GVQW3: variants seen among roughly 807,000 people sequenced by gnomAD.
GVQW3 encodes the protein protein GVQW3.
A neutral mutation model predicts 12.5 loss-of-function variants in GVQW3; 7 were observed. The ratio of observed to expected loss-of-function variants is 0.56; its 90% confidence interval spans 0.32 to 1.05. The LOEUF is 1.05. Ranked by LOEUF, GVQW3 falls within the 50% of genes least tolerant of loss-of-function variation. The pLI, the probability that GVQW3 is intolerant of heterozygous loss-of-function variation, is 0.04. For synonymous variants in GVQW3, 71 were observed against 67.2 expected, an observed-to-expected ratio of 1.06 and a Z score of -0.28; for missense variants, 188 against 190.8, an observed-to-expected ratio of 0.99 and a Z score of 0.09.
chr11:76,392,824 G>A (rs1165680779), intron 1 of GVQW3: 1 of 152,126 alleles, frequency 6.6e-6, no homozygotes, highest in Non-Finnish European at 1.5e-5. Flanking sequence ...CAAGTAGTGT[G>A]TTATGTTTTG....
rs980898545 is a variant in GVQW3, at chr11:76,381,635, A to T, written c.-194A>T. On this transcript the variant is annotated 5_prime_UTR_variant, in exon 1 of 2. Transcript: ENST00000529331. Reference sequence around the variant, plus strand: ...GCTTTGCAGCGACTGTTGGCTTCCCAGAACGGATCTCCCCAGCCTCGACTG... The same window carrying T: ...GCTTTGCAGCGACTGTTGGCTTCCCTGAACGGATCTCCCCAGCCTCGACTG... 9.2e-6 allele frequency: 5 copies of T among 546,004 alleles called. No homozygotes were observed. The African/African-American group carries it at 9.5e-5, about 10-fold the overall frequency. 33.8% of individuals were successfully genotyped at this position (546,004 alleles called of 1,614,324 possible).
exon 2 of GVQW3, chr11:76,414,373 T>C (rs2134575752): frequency 6.6e-6 from 1 of 152,170 alleles, no homozygotes; most frequent in East Asian, 1.9e-4. Context: ...GTCACTTTTG[T>C]TATAAGTGGT....
At chr11:76,397,499 A>C (rs1461471007) in intron 1 of GVQW3, among the ~76,000 whole-genome samples, 1 of 152,230 alleles carries the variant, frequency 6.6e-6, no homozygotes, top group African/African-American at 2.4e-5. Context: ...AGCGGTATTC[A>C]TAAGTAATTC....
chr11:76,409,434 G>C (rs1219307180), downstream of GVQW3, among the ~76,000 whole-genome samples: 1 of 152,206 alleles, frequency 6.6e-6, no homozygotes, highest in Non-Finnish European at 1.5e-5. Context: ...ACTCCTGTTT[G>C]CTCTAGGAAC....
intron 1 of GVQW3, among the ~76,000 whole-genome samples, chr11:76,396,311 T>A (rs1245206892): frequency 2.0e-5 from 3 of 150,664 alleles, no homozygotes; most frequent in Admixed American, 6.6e-5. Flanking sequence ...TATTATTATT[T>A]TATTATTATT....
In GVQW3 at chr11:76,393,893, T is replaced by TATC. The variant is rs1946916628; in HGVS notation, c.466-9765_466-9764insCAT. 3.3e-5 allele frequency among the ~76,000 whole-genome samples: 5 copies of TATC among 151,686 alleles called. No individual in the cohort carries two copies. The South Asian group carries it at 1.0e-3, about 32-fold the overall frequency. ...ACAATCCAGTTATACTCTTAGTTAT[T>TATC]ATTATTATTATTATTATTATTTTTG... is the stretch of plus-strand genomic sequence containing the variant. On this transcript the variant is annotated intron_variant, in intron 1 of 1. Coordinates refer to ENST00000529331, the MANE Select transcript of GVQW3 (RefSeq NM_001347885.2).
intron 1 of GVQW3, among the ~76,000 whole-genome samples, chr11:76,393,595 C>T (rs189955156): frequency 5.9e-5 from 9 of 152,264 alleles, no homozygotes; most frequent in African/African-American, 2.2e-4. Context: ...ACCTGGGAAA[C>T]TCCCCTTTTG....
At chr11:76,399,851 T>G (rs1946971682) in intron 1 of GVQW3, among the ~76,000 whole-genome samples, 1 of 152,072 alleles carries the variant, frequency 6.6e-6, no homozygotes. Flanking sequence ...CTGGCTCTCC[T>G]TTTCCTCAGG....
intron 1 of GVQW3, among the ~76,000 whole-genome samples, chr11:76,391,718 C>T (rs930980518): frequency 2.6e-5 from 4 of 152,140 alleles, no homozygotes; most frequent in Admixed American, 2.6e-4. Flanking sequence ...CTTTGGGAGG[C>T]TGAGGTGGGC....
At chr11:76,409,020 T>A (rs1947064856), downstream of GVQW3, among the ~76,000 whole-genome samples, 1 of 152,224 alleles carries the variant, frequency 6.6e-6, no homozygotes, top group African/African-American at 2.4e-5. Context: ...TACCTTCCAC[T>A]TCAGTTCCTC....
At chr11:76,397,693 T>G (rs953389487) in intron 1 of GVQW3, among the ~76,000 whole-genome samples, 1 of 152,236 alleles carries the variant, frequency 6.6e-6, no homozygotes, top group African/African-American at 2.4e-5. Context: ...TTCTATAGTA[T>G]GTCTACTGTA....
At chr11:76,412,269 G>T (rs1057440905), downstream of GVQW3, 12 of 152,320 alleles carry the variant, frequency 7.9e-5, no homozygotes, top group Admixed American at 6.5e-4. Flanking sequence ...AAATGCAATT[G>T]CCATAGGAAA....
chr11:76,390,766 G>A (rs532633353), intron 1 of GVQW3, among the ~76,000 whole-genome samples: 1 of 151,974 alleles, frequency 6.6e-6, no homozygotes, highest in East Asian at 1.9e-4. Context: ...GGCGGAGCTT[G>A]CAGTGGGCTG....
Position 76,407,960 on chromosome 11 carries a change from A to G in GVQW3, c.*4202A>G, listed in dbSNP as rs1947058043. On this transcript the variant is annotated 3_prime_UTR_variant, in exon 2 of 2. Transcript: ENST00000529331. ...TGTATGCTAAAACAAACCCCTCAAG[A>G]TAGATCCAAAACATTACCAGTGGTT... 6.6e-6 allele frequency: 1 copy of G among 152,050 alleles called. No homozygotes were observed. Among genetic ancestry groups the G allele is most frequent in the South Asian group, 2.1e-4 (1 of 4,830 alleles). 9.4% of individuals were successfully genotyped at this position (152,050 alleles called of 1,614,324 possible). A position where few individuals can be genotyped will look rare whatever the true frequency, so the allele number is the denominator to read the frequency against.
At chr11:76,395,628 T>C (rs972100808) in intron 1 of GVQW3, among the ~76,000 whole-genome samples, 64 of 152,360 alleles carry the variant, frequency 4.2e-4, no homozygotes, top group East Asian at 5.8e-4. Flanking sequence ...TGGTTCCTTT[T>C]ATTGGAGAAT....
intron 1 of GVQW3, among the ~76,000 whole-genome samples, chr11:76,387,366 G>C (rs879745151): frequency 1.3e-5 from 2 of 151,948 alleles, no homozygotes; most frequent in Non-Finnish European, 2.9e-5. Context: ...AACCCTGGAG[G>C]CTGCAGTGAT....
intron 1 of GVQW3, among the ~76,000 whole-genome samples, chr11:76,403,406 G>A (rs1340611004): frequency 2.0e-5 from 3 of 152,212 alleles, no homozygotes; most frequent in Admixed American, 2.0e-4. Flanking sequence ...GCCCAGGAAA[G>A]CCAATGGTGT....
intron 1 of GVQW3, chr11:76,390,018 G>A (rs1350977381): frequency 6.6e-6 from 1 of 152,096 alleles, no homozygotes; most frequent in Non-Finnish European, 1.5e-5. Flanking sequence ...AATCATTGTG[G>A]GGTTTTAAAA....
intron 1 of GVQW3, among the ~76,000 whole-genome samples, chr11:76,393,642 C>A (rs1329025665): frequency 1.3e-5 from 2 of 152,054 alleles, no homozygotes; most frequent in Non-Finnish European, 2.9e-5. Context: ...TGTTCTCCCC[C>A]ACCACCCACC....
Sources: gnomAD v4.1 joint callset for allele counts (sites outside exome capture counted in the v4.1 genomes callset) on GRCh38, gnomAD v4.1.1 for gene constraint, MANE v1.5 for transcripts, NCBI Gene and HGNC (gene_info 2026-07-23, HGNC 2026-07-21) for gene names.